The following PCNT variants were observed in gnomAD, a reference collection of about 807,000 sequenced individuals.
The protein encoded by PCNT is pericentrin, also known as kendrin.
PCNT carries 319 observed loss-of-function variants against 380.4 expected under a neutral mutation model. The ratio of observed to expected loss-of-function variants is 0.84; its 90% CI spans 0.77 to 0.92. PCNT has a LOEUF of 0.92. Ranked by LOEUF, PCNT falls within the 40% of genes least tolerant of loss-of-function variation. The probability of loss-of-function intolerance (pLI) is 0.00; values close to 1 mark genes in which losing one functional copy is unlikely to be tolerated. For missense variants in PCNT, 4,400 were observed against 4,255.3 expected (o/e 1.03, Z -0.95); for synonymous variants, 1,845 against 1,735.2 (o/e 1.06, Z -1.57).
rs575838758 is a variant in PCNT at position 46,363,362 on chromosome 21, C to T, written c.2155-118C>T. On this transcript the variant is annotated intron_variant, in intron 13 of 46. Coordinates refer to ENST00000359568, the MANE Select transcript of PCNT (RefSeq NM_006031.6). The stretch of plus-strand genomic sequence containing the variant: ...GAATCATTCCTGTTGCTGTGTGCAG[C>T]GTAATGGGTGTGTGTGTGGTGAAAA... 3.2e-5 allele frequency: 25 copies of T among 771,998 alleles called. No homozygotes were observed. The Middle Eastern group carries it at 9.9e-4, about 31-fold the overall frequency. The allele number at this position is 771,998 out of a possible 1,614,324, so 47.8% of individuals were successfully genotyped here. A position where few individuals can be genotyped will look rare whatever the true frequency, so the allele number is the denominator to read the frequency against.
At position 46,411,521 on chromosome 21, in the gene PCNT, C is replaced by G. The variant is rs780653036; in HGVS notation, c.5448C>G (p.Ala1816=). 3 of 1,609,998 alleles carry G rather than the reference C, an allele frequency of 1.9e-6. No individual in the cohort carries two copies. Among genetic ancestry groups the G allele is most frequent in the Non-Finnish European group, 2.5e-6 (3 of 1,178,608 alleles). The stretch of plus-strand genomic sequence containing the variant: ...ACCAGGAGCGCAGGCACAGCCAGGC[C>G]CTGGAGGCCCTGCAGCAGCGCCTCC... The part of the protein sequence containing the change: ...LADQERRHSQ[A]LEALQQRLQG... The change falls in exon 28 of 47, where the codon GCC becomes GCG. Residue 1816 remains alanine (A), a synonymous_variant. Transcript: ENST00000359568.
chr21:46,415,174 A>G (rs915362320), intron 29 of PCNT, among the ~76,000 whole-genome samples: 5 of 152,182 alleles, frequency 3.3e-5, no homozygotes, highest in African/African-American at 1.2e-4. Context: ...ATTGGCGTTT[A>G]GAGCCTGAAA....
intron 27 of PCNT, among the ~76,000 whole-genome samples, chr21:46,402,886 A>G (rs1326299673): frequency 6.6e-6 from 1 of 152,242 alleles, no homozygotes; most frequent in Non-Finnish European, 1.5e-5. Flanking sequence ...TGGGAAAAAA[A>G]TCTTAAGAAC....
intron 27 of PCNT, 94 bp from the exon 28 acceptor site, chr21:46,411,095 T>TC: frequency 1.5e-6 from 2 of 1,293,942 alleles, no homozygotes; most frequent in Non-Finnish European, 2.2e-6. Context: ...GAGTCTTCAC[T>TC]CCAAGAATGC....
chr21:46,339,426 G>A (rs923115902), intron 3 of PCNT, among the ~76,000 whole-genome samples: 2 of 152,190 alleles, frequency 1.3e-5, no homozygotes, highest in African/African-American at 4.8e-5. Context: ...CATATAAAGG[G>A]GAGTTTATTA....
chr21:46,419,440 C>A (rs947307442), intron 31 of PCNT, among the ~76,000 whole-genome samples: 1 of 152,232 alleles, frequency 6.6e-6, no homozygotes, highest in Non-Finnish European at 1.5e-5. Flanking sequence ...TTTAAAGTGG[C>A]ATCTTCAGCC....
chr21:46,363,412 G>C (rs2084786268), intron 13 of PCNT, 68 bp from the exon 14 acceptor site: 1 of 1,277,824 alleles, frequency 7.8e-7, no homozygotes, highest in Admixed American at 1.7e-5. Context: ...AGGTGGGTTT[G>C]GGTTGTCTCT....
rs200502265 is a variant in PCNT, at chr21:46,402,513, G to A, written c.5115+30G>A. ...GCTACCAAAGGTCCACGTGACGCCC[G>A]AGTTCATGTTGCTTATGCCGGTGCC... is the stretch of plus-strand genomic sequence containing the variant. On this transcript the variant is annotated intron_variant, in intron 27 of 46. Transcript: ENST00000359568. The A allele has an allele frequency of 1.4e-5, 22 of 1,612,864 alleles. No individual in the cohort carries two copies. In the East Asian group the frequency reaches 3.6e-4, roughly 26 times the overall value.
rs770303306 is a variant in PCNT at position 46,389,455 on chromosome 21, C to G, written c.3840+24C>G. On this transcript the variant is annotated intron_variant, in intron 19 of 46. Transcript: ENST00000359568. ...AGGTGAGGCCCAGGCTCCCGGGGTC[C>G]TGTGGAGATGTGAACAACTGAGTAG... The G allele has an allele frequency of 1.6e-5, 25 of 1,590,186 alleles. No individual in the cohort carries two copies. The African/African-American group carries it at 3.1e-4, about 20-fold the overall frequency.
At chr21:46,399,841 C>G (rs1357613756) in intron 25 of PCNT, 45 bp downstream of exon 25, 5 of 1,510,294 alleles carry the variant, frequency 3.3e-6, no homozygotes, top group Non-Finnish European at 4.6e-6. Flanking sequence ...TGAGGTGTCC[C>G]GCAGGCATGG....
In PCNT at chr21:46,366,698, C is replaced by A. The variant is rs746750267; in HGVS notation, c.2724C>A (p.His908Gln). ...AGCTGCAGCTCCTCCAGGAGAGACA[C>A]CAGCAGCAGCTCCTGTCAGTGACGG... ...ARELQLLQER[H>Q]QQQLLSVTAE... is the part of the protein sequence containing the mutation. Residue 908 changes from histidine (H) to glutamine (Q), a missense_variant, in exon 15 of 47, where the codon CAC becomes CAA. Transcript: ENST00000359568. 4 of 1,613,692 alleles carry A rather than the reference C, an allele frequency of 2.5e-6. No homozygotes were observed. The highest frequency in any genetic ancestry group is 3.4e-6 in the Non-Finnish European group (4 of 1,180,038).
At chr21:46,443,669 C>T (rs980265491) in intron 44 of PCNT, 141 bp from the exon 45 acceptor site, 10 of 832,390 alleles carry the variant, frequency 1.2e-5, no homozygotes, top group Non-Finnish European at 1.4e-5. Flanking sequence ...GATATTGTAC[C>T]TTGAGCACTT....
Position 46,399,807 on chromosome 21 carries a change from T to TCTG in PCNT, c.4791+12_4791+13insTGC, listed in dbSNP as rs767958915. 4.3e-6 allele frequency: 7 copies of TCTG among 1,612,538 alleles called. No individual in the cohort carries two copies. Among genetic ancestry groups the TCTG allele is most frequent in the Non-Finnish European group, 5.9e-6 (7 of 1,178,650 alleles). On this transcript the variant is annotated intron_variant, in intron 25 of 46. Transcript: ENST00000359568. The stretch of plus-strand genomic sequence containing the variant: ...AAAGGGCTGGAACAGGTAAAGCGTC[T>TCTG]CCATGTTGTGGTTGGGCACGTGGTG...
At position 46,412,010 on chromosome 21, in the gene PCNT, C is replaced by G; in HGVS notation, c.5937C>G (p.Thr1979=). The G allele has an allele frequency of 1.2e-6, 2 of 1,607,186 alleles. No individual in the cohort carries two copies. The highest frequency in any genetic ancestry group is 1.7e-6 in the Non-Finnish European group (2 of 1,179,826). ...ATGGTGGCGCCAAGGCCCAGGTCAC[C>G]GGCGACGTGGAGGCCTCCCATGATG... ...RMDGGAKAQV[T]GDVEASHDAA... is the part of the protein sequence containing the mutation. The change falls in exon 28 of 47, where the codon ACC becomes ACG. Residue 1979 remains threonine (T), a synonymous_variant. Transcript: ENST00000359568.
chr21:46,403,304 A>T (rs1187763319), intron 27 of PCNT, among the ~76,000 whole-genome samples: 1 of 135,676 alleles, frequency 7.4e-6, no homozygotes. Context: ...TGCTCGGTGA[A>T]TGAACACAGC....
chr21:46,339,285 C>T (rs926076843), intron 3 of PCNT, among the ~76,000 whole-genome samples: 5 of 152,132 alleles, frequency 3.3e-5, no homozygotes, highest in South Asian at 4.1e-4. Flanking sequence ...TCTTGCTTGC[C>T]GGTGGTTTCG....
intron 21 of PCNT, among the ~76,000 whole-genome samples, chr21:46,393,941 G>A (rs1169345229): frequency 6.6e-6 from 1 of 152,258 alleles, no homozygotes; most frequent in Non-Finnish European, 1.5e-5. Flanking sequence ...AGTGGCAGGC[G>A]CCTGGCATGC....
rs543002268 is a variant in PCNT at position 46,441,054 on chromosome 21, C to A, written c.9593C>A (p.Thr3198Lys). Residue 3198 changes from threonine (T) to lysine (K), a missense_variant, in exon 43 of 47, where the codon ACG becomes AAG. Physicochemically the swap from Thr to Lys is moderately conservative, Grantham distance 78. Coordinates refer to ENST00000359568, the MANE Select transcript of PCNT (RefSeq NM_006031.6). ...TCTCGTCCTTTCACCAGGTTCCGCACGGCCGTCAGGGTGGTCATTGCAATA... is the reference window on the plus strand; with the variant it reads ...TCTCGTCCTTTCACCAGGTTCCGCAAGGCCGTCAGGGTGGTCATTGCAATA... ...ITSRPFTRFR[T>K]AVRVVIAILR... is the part of the protein sequence containing the mutation. The A allele has an allele frequency of 1.2e-6, 2 of 1,613,608 alleles. No individual in the cohort carries two copies. Among genetic ancestry groups the A allele is most frequent in the Non-Finnish European group, 1.7e-6 (2 of 1,179,484 alleles).
At chr21:46,330,936 G>A (rs941850586) in intron 2 of PCNT, among the ~76,000 whole-genome samples, 1 of 152,096 alleles carries the variant, frequency 6.6e-6, no homozygotes, top group East Asian at 1.9e-4. Context: ...AGGTGCATTT[G>A]TTTTATTTTA....
Sources: allele counts gnomAD v4.1 joint callset (sites outside exome capture counted in the v4.1 genomes callset), GRCh38; gene constraint gnomAD v4.1.1; transcripts MANE v1.5; gene names NCBI Gene and HGNC (gene_info 2026-07-23, HGNC 2026-07-21).